The following CAMK1D variants were observed in gnomAD, a reference collection of about 807,000 sequenced individuals.
CAMK1D encodes calcium/calmodulin dependent protein kinase ID, also known as calcium/calmodulin-dependent protein kinase type 1D.
A neutral mutation model predicts 47.7 loss-of-function variants in CAMK1D; 9 were observed. The observed-to-expected ratio is 0.19, with a 90% CI of 0.11 to 0.33. The LOEUF (loss-of-function observed/expected upper bound fraction) is 0.33, where lower values mean the gene tolerates loss of function less well. Among genes scored for constraint, CAMK1D ranks in the 10% least tolerant of loss-of-function variants. The probability of loss-of-function intolerance (pLI) is 1.00; values close to 1 mark genes in which losing one functional copy is unlikely to be tolerated. For synonymous variants in CAMK1D, 184 were observed against 184.9 expected, an observed-to-expected ratio of 0.99 and a Z score of 0.04; for missense variants, 291 against 488.7, an observed-to-expected ratio of 0.60 and a Z score of 3.81.
chr10:12,511,847 C>A (rs994834530), intron 1 of CAMK1D, among the ~76,000 whole-genome samples: 3 of 152,228 alleles, frequency 2.0e-5, no homozygotes, highest in Non-Finnish European at 1.5e-5. Flanking sequence ...GAATGTATAA[C>A]CTCTCGCCAA....
intron 3 of CAMK1D, among the ~76,000 whole-genome samples, chr10:12,682,394 T>G (rs149826344): frequency 3.9e-5 from 6 of 152,306 alleles, no homozygotes; most frequent in African/African-American, 1.4e-4. Flanking sequence ...TGGGGAAATA[T>G]TAAATCATTA....
In CAMK1D at chr10:12,816,296, A is replaced by G. The variant is rs770618820; in HGVS notation, c.801A>G (p.Arg267=). The change falls in exon 8 of 11, where the codon AGA becomes AGG. Residue 267 remains arginine (R), a synonymous_variant. Transcript: ENST00000619168. The part of the protein sequence containing the change: ...RNLMEKDPNK[R]YTCEQAARHP... ...TGATGGAGAAGGACCCGAATAAAAG[A>G]TACACGTGTGAGCAGGCAGCTCGGC... 1 of 1,613,880 alleles carries G rather than the reference A, an allele frequency of 6.2e-7. No individual in the cohort carries two copies. Among genetic ancestry groups the G allele is most frequent in the Non-Finnish European group, 8.5e-7 (1 of 1,179,896 alleles).
intron 2 of CAMK1D, 128 bp downstream of exon 2, chr10:12,553,484 C>T (rs1484329415): frequency 1.6e-5 from 11 of 677,026 alleles, no homozygotes; most frequent in Admixed American, 2.8e-5. Flanking sequence ...GCTGTGCAAA[C>T]GATAACCAAC....
At chr10:12,817,111 G>A (rs1832832396) in intron 8 of CAMK1D, among the ~76,000 whole-genome samples, 1 of 152,166 alleles carries the variant, frequency 6.6e-6, no homozygotes, top group Non-Finnish European at 1.5e-5. Flanking sequence ...ACTGTCACGA[G>A]AACAGCACGG....
chr10:12,678,144 T>G (rs1456306956), intron 3 of CAMK1D, among the ~76,000 whole-genome samples: 1 of 152,170 alleles, frequency 6.6e-6, no homozygotes, highest in Non-Finnish European at 1.5e-5. Flanking sequence ...CATTTATAGC[T>G]ATAAATTTTC....
intron 1 of CAMK1D, among the ~76,000 whole-genome samples, chr10:12,388,860 C>T (rs1243020038): frequency 3.3e-5 from 5 of 152,168 alleles, no homozygotes; most frequent in African/African-American, 7.2e-5. Flanking sequence ...TTTGTTACCA[C>T]GCTCCCCTGG....
chr10:12,464,814 TAAAA>T (rs11286227), intron 1 of CAMK1D, among the ~76,000 whole-genome samples: 3 of 142,398 alleles, frequency 2.1e-5, no homozygotes, highest in African/African-American at 2.6e-5. Context: ...GACTCCATCT[TAAAA>T]AAAAAAAAAA....
chr10:12,638,865 G>A (rs1321584872), intron 2 of CAMK1D, among the ~76,000 whole-genome samples: 1 of 152,142 alleles, frequency 6.6e-6, no homozygotes, highest in East Asian at 1.9e-4. Flanking sequence ...GTGGAAAGGC[G>A]TTCACCTCCG....
intron 1 of CAMK1D, among the ~76,000 whole-genome samples, chr10:12,352,169 C>A (rs898703044): frequency 5.3e-5 from 8 of 152,132 alleles, no homozygotes; most frequent in Non-Finnish European, 1.0e-4. Context: ...TATTAAGTGG[C>A]GGAGCTGGTA....
intron 1 of CAMK1D, among the ~76,000 whole-genome samples, chr10:12,387,397 T>TATTTTATATATTATATAGATTTTATATA (rs199871181): frequency 1.2e-5 from 1 of 83,754 alleles, no homozygotes; most frequent in Non-Finnish European, 2.3e-5. Flanking sequence ...ATATTATATA[T>TATTTTATATATTATATAGATTTTATATA]TTTTATATAT....
chr10:12,812,680 G>A (rs907455360), intron 6 of CAMK1D, among the ~76,000 whole-genome samples: 5 of 152,140 alleles, frequency 3.3e-5, no homozygotes, highest in African/African-American at 1.2e-4. Context: ...CGCAGCCCGA[G>A]AAGCAAGTTC....
At chr10:12,537,633 A>G (rs1015816108) in intron 1 of CAMK1D, among the ~76,000 whole-genome samples, 6 of 152,182 alleles carry the variant, frequency 3.9e-5, no homozygotes, top group Non-Finnish European at 8.8e-5. Flanking sequence ...CCGCATCTGC[A>G]GGCCCGGACT....
At chr10:12,760,827 C>A in intron 3 of CAMK1D, 121 bp from the exon 4 acceptor site, 1 of 1,068,302 alleles carries the variant, frequency 9.4e-7, no homozygotes, top group Non-Finnish European at 1.4e-6. Flanking sequence ...AGGGGGGCAA[C>A]ATCTCAATCT....
At chr10:12,432,656 ATGAG>A (rs1337718369) in intron 1 of CAMK1D, among the ~76,000 whole-genome samples, 1 of 152,252 alleles carries the variant, frequency 6.6e-6, no homozygotes, top group African/African-American at 2.4e-5. Context: ...AAATGAACAA[ATGAG>A]TGAGTTGAAT....
intron 1 of CAMK1D, among the ~76,000 whole-genome samples, chr10:12,473,174 G>C (rs1182842928): frequency 6.6e-6 from 1 of 152,128 alleles, no homozygotes; most frequent in Admixed American, 6.5e-5. Context: ...GGCATGCTGG[G>C]GCACAGGCCA....
intron 1 of CAMK1D, among the ~76,000 whole-genome samples, chr10:12,434,625 A>C (rs181035011): frequency 8.1e-4 from 123 of 152,370 alleles, no homozygotes; most frequent in African/African-American, 2.7e-3. Context: ...CAAGGATTTA[A>C]GGACCTAAAT....
Position 12,748,495 on chromosome 10 carries a change from G to A in CAMK1D, c.300-12453G>A, listed in dbSNP as rs1372855017. On this transcript the variant is annotated intron_variant, in intron 3 of 10. Coordinates refer to ENST00000619168, the MANE Select transcript of CAMK1D (RefSeq NM_153498.4). The stretch of plus-strand genomic sequence containing the variant: ...CCATTGAAAAACTTAAAGAGGAAAA[G>A]ACAAGAGTTCCTGGAAAAGGCTTGC... 5.3e-5 allele frequency among the ~76,000 whole-genome samples: 8 copies of A among 152,196 alleles called. No homozygotes were observed. In the South Asian group the frequency reaches 1.2e-3, roughly 24 times the overall value.
chr10:12,580,700 A>G (rs1051879630), intron 2 of CAMK1D, among the ~76,000 whole-genome samples: 1 of 152,240 alleles, frequency 6.6e-6, no homozygotes, highest in East Asian at 1.9e-4. Flanking sequence ...AGAAGAATGC[A>G]GGAGTGTGTG....
chr10:12,554,945 C>T (rs1571206), intron 2 of CAMK1D, among the ~76,000 whole-genome samples: 8,259 of 152,220 alleles, frequency 0.054, 226 homozygotes, highest in South Asian at 0.081. Context: ...GCCATTGCCC[C>T]GTCATCTCCA....
Sources: gnomAD v4.1 joint callset for allele counts (sites outside exome capture counted in the v4.1 genomes callset) on GRCh38, gnomAD v4.1.1 for gene constraint, MANE v1.5 for transcripts, NCBI Gene and HGNC (gene_info 2026-07-23, HGNC 2026-07-21) for gene names.